Variants in MRPL13 observed in about 807,000 individuals in gnomAD.
MRPL13 encodes the protein large ribosomal subunit protein uL13m.
Under a neutral mutation model 29.0 loss-of-function variants are expected in MRPL13, and 33 were observed. That is an observed-to-expected ratio of 1.14 (90% CI 0.86 to 1.52). The LOEUF (loss-of-function observed/expected upper bound fraction) is 1.52, where lower values mean the gene tolerates loss of function less well. Among genes scored for constraint, MRPL13 ranks in the 40% most tolerant of loss-of-function variants. MRPL13 has a pLI of 0.00. For missense variants in MRPL13, 227 were observed against 216.7 expected, an observed-to-expected ratio of 1.05 and a Z score of -0.30; for synonymous variants, 77 against 68.4, an observed-to-expected ratio of 1.13 and a Z score of -0.62.
intron 5 of MRPL13, among the ~76,000 whole-genome samples, chr8:120,419,410 G>C (rs894267814): frequency 2.0e-5 from 3 of 151,884 alleles, no homozygotes; most frequent in Non-Finnish European, 4.4e-5. Context: ...CTATGAGTAT[G>C]AACAAGTATT....
chr8:120,435,627 T>A (rs1813045768), intron 2 of MRPL13, among the ~76,000 whole-genome samples: 2 of 152,146 alleles, frequency 1.3e-5, no homozygotes, highest in Non-Finnish European at 2.9e-5. Context: ...CTTAGGTTGA[T>A]GACGTATCTT....
intron 4 of MRPL13, among the ~76,000 whole-genome samples, chr8:120,421,867 T>C (rs1563774397): frequency 6.6e-6 from 1 of 151,798 alleles, no homozygotes; most frequent in Non-Finnish European, 1.5e-5. Flanking sequence ...ATTTAAAATA[T>C]TTATGAAGTA....
chr8:120,408,524 G>T (rs1364786352), intron 6 of MRPL13, among the ~76,000 whole-genome samples: 1 of 152,140 alleles, frequency 6.6e-6, no homozygotes, highest in Non-Finnish European at 1.5e-5. Context: ...GTTGAAATAG[G>T]TAGGAAAGTT....
intron 6 of MRPL13, among the ~76,000 whole-genome samples, chr8:120,400,583 A>G (rs1490429324): frequency 1.3e-5 from 2 of 152,054 alleles, no homozygotes; most frequent in Non-Finnish European, 2.9e-5. Flanking sequence ...TACCAAGAGC[A>G]AACACAGCTA....
intron 6 of MRPL13, among the ~76,000 whole-genome samples, chr8:120,405,067 G>T (rs181242210): frequency 6.6e-6 from 1 of 152,174 alleles, no homozygotes; most frequent in African/African-American, 2.4e-5. Flanking sequence ...TTTCCAGATG[G>T]TTAATTTGCT....
intron 2 of MRPL13, among the ~76,000 whole-genome samples, chr8:120,433,474 T>G (rs1813019034): frequency 6.6e-6 from 1 of 152,098 alleles, no homozygotes; most frequent in Non-Finnish European, 1.5e-5. Flanking sequence ...ACTGAATTTA[T>G]TTTTAAATTG....
rs181260153 is a variant in MRPL13 at position 120,400,154 on chromosome 8, C to T, written c.516-4029G>A. Among the ~76,000 whole-genome samples, 4 of 152,326 alleles carry T rather than the reference C, an allele frequency of 2.6e-5. No individual in the cohort carries two copies. In the East Asian group the frequency reaches 5.8e-4, roughly 22 times the overall value. On this transcript the variant is annotated intron_variant, in intron 6 of 6. Transcript: ENST00000306185. The stretch of plus-strand genomic sequence containing the variant: ...ACAGAACTGATAGATATCTACAGAA[C>T]TCTGCACCCCAAAACAACAGAACAT...
chr8:120,408,666 C>T (rs992441745), intron 6 of MRPL13, among the ~76,000 whole-genome samples: 2 of 152,140 alleles, frequency 1.3e-5, no homozygotes, highest in Admixed American at 1.3e-4. Context: ...TTAAAGCTGT[C>T]CAGATCCCAG....
intron 3 of MRPL13, among the ~76,000 whole-genome samples, chr8:120,430,030 G>A (rs1812980355): frequency 6.6e-6 from 1 of 152,190 alleles, no homozygotes; most frequent in Admixed American, 6.5e-5. Context: ...GGGAGGCCAA[G>A]GCAGGCAGAT....
At chr8:120,436,764 A>G (rs954362916) in intron 2 of MRPL13, among the ~76,000 whole-genome samples, 1 of 152,132 alleles carries the variant, frequency 6.6e-6, no homozygotes, top group Non-Finnish European at 1.5e-5. Flanking sequence ...GCTTTTATTT[A>G]TTGGGTTTCC....
At chr8:120,408,523 G>T (rs7005391) in intron 6 of MRPL13, among the ~76,000 whole-genome samples, 3 of 151,964 alleles carry the variant, frequency 2.0e-5, no homozygotes, top group East Asian at 1.9e-4. Context: ...GGTTGAAATA[G>T]GTAGGAAAGT....
chr8:120,429,359 T>A (rs1586925611), intron 3 of MRPL13, among the ~76,000 whole-genome samples: 1 of 150,736 alleles, frequency 6.6e-6, no homozygotes, highest in Non-Finnish European at 1.5e-5. Flanking sequence ...GGGTGGAGGG[T>A]GGGAGTAGAG....
chr8:120,445,068 C>T lies in MRPL13; in HGVS notation c.27G>A (p.Gln9=), dbSNP rs773318401. 1.9e-6 allele frequency: 3 copies of T among 1,613,994 alleles called. No homozygotes were observed. Among genetic ancestry groups the T allele is most frequent in the Admixed American group, 3.3e-5 (2 of 60,010 alleles). MSSFSRAP[Q]QWATFARIWY... is the part of the protein sequence containing the mutation. The stretch of plus-strand genomic sequence containing the variant: ...TCAAGCCATAAGAGTCCGAGCTCAC[C>T]TGGGGCGCCCTAGAGAAACTCGACA... The change falls in exon 1 of 7, where the codon CAG becomes CAA. Residue 9 remains glutamine (Q), a splice_region_variant and synonymous_variant. Transcript: ENST00000306185.
At chr8:120,431,582 G>A (rs550378363) in intron 3 of MRPL13, among the ~76,000 whole-genome samples, 5 of 152,228 alleles carry the variant, frequency 3.3e-5, no homozygotes, top group Admixed American at 3.3e-4. Context: ...GGAGAGTCAC[G>A]TTGTATTTGG....
chr8:120,442,957 G>A (rs1813140638), intron 2 of MRPL13, among the ~76,000 whole-genome samples: 1 of 152,086 alleles, frequency 6.6e-6, no homozygotes, highest in Non-Finnish European at 1.5e-5. Flanking sequence ...TAATTTCGCT[G>A]GGCAGTGGCA....
In MRPL13 at chr8:120,432,072, G is replaced by A. The variant is rs1291994900; in HGVS notation, c.203C>T (p.Ser68Phe). Residue 68 changes from serine to phenylalanine, a missense_variant, in exon 3 of 7, where the codon TCT (serine) becomes TTT (phenylalanine). Physicochemically the swap from Ser to Phe is radical, Grantham distance 155 (BLOSUM62 -2). Transcript: ENST00000306185. ...VIMNTRHIAF[S>F]GNKWEQKVYS... is the part of the protein sequence containing the mutation. Reference sequence around the variant, plus strand: ...TACTTTTTGTTCCCATTTGTTTCCAGAAAATGCAATGTGTCTTGTGTTCAT... The same window carrying A: ...TACTTTTTGTTCCCATTTGTTTCCAAAAAATGCAATGTGTCTTGTGTTCAT... 1 of 1,609,414 alleles carries A rather than the reference G, an allele frequency of 6.2e-7. No individual in the cohort carries two copies. Among genetic ancestry groups the A allele is most frequent in the Non-Finnish European group, 8.5e-7 (1 of 1,177,752 alleles).
At chr8:120,435,763 T>G (rs967540677) in intron 2 of MRPL13, among the ~76,000 whole-genome samples, 17 of 152,166 alleles carry the variant, frequency 1.1e-4, no homozygotes, top group African/African-American at 3.4e-4. Context: ...AAGCATGCCC[T>G]TTTCTCCTCA....
At chr8:120,404,798 T>C (rs1195288273) in intron 6 of MRPL13, among the ~76,000 whole-genome samples, 1 of 152,200 alleles carries the variant, frequency 6.6e-6, no homozygotes, top group East Asian at 1.9e-4. Flanking sequence ...GATACACAGC[T>C]AGGAGGTAGA....
intron 6 of MRPL13, among the ~76,000 whole-genome samples, chr8:120,407,357 T>A (rs10098378): frequency 6.6e-6 from 1 of 152,148 alleles, no homozygotes; most frequent in African/African-American, 2.4e-5. Context: ...TTATGCTACA[T>A]TAAGATAAGT....
Sources: allele counts gnomAD v4.1 joint callset (sites outside exome capture counted in the v4.1 genomes callset), GRCh38; gene constraint gnomAD v4.1.1; transcripts MANE v1.5; gene names NCBI Gene and HGNC (gene_info 2026-07-23, HGNC 2026-07-21).